The following SDCCAG8 variants were observed in gnomAD, a reference collection of about 807,000 sequenced individuals.
SDCCAG8 encodes the protein SHH signaling and ciliogenesis regulator SDCCAG8.
In SDCCAG8, 74 loss-of-function variants were observed where a neutral mutation model predicts 101.8. That is an observed-to-expected ratio of 0.73 (90% CI 0.60 to 0.88). The LOEUF is 0.88. Among genes scored for constraint, SDCCAG8 ranks in the 40% least tolerant of loss-of-function variants. The pLI is 0.00. For missense variants in SDCCAG8, 787 were observed against 822.6 expected, an observed-to-expected ratio of 0.96 and a Z score of 0.53; for synonymous variants, 281 against 292.9, an observed-to-expected ratio of 0.96 and a Z score of 0.41.
intron 15 of SDCCAG8, among the ~76,000 whole-genome samples, chr1:243,420,207 A>T (rs944346595): frequency 6.6e-6 from 1 of 152,212 alleles, no homozygotes; most frequent in African/African-American, 2.4e-5. Flanking sequence ...CCTTGGGTAC[A>T]TGGCCTCATT....
intron 10 of SDCCAG8, among the ~76,000 whole-genome samples, chr1:243,336,535 G>A (rs2075023370): frequency 6.6e-6 from 1 of 152,214 alleles, no homozygotes; most frequent in Non-Finnish European, 1.5e-5. Context: ...AAGCAGGCAT[G>A]TCTTCTGTGG....
chr1:243,332,392 TG>T (rs2074670458), intron 10 of SDCCAG8, among the ~76,000 whole-genome samples: 1 of 152,210 alleles, frequency 6.6e-6, no homozygotes, highest in South Asian at 2.1e-4. Context: ...GCAGAATAGA[TG>T]CCTGGAGATC....
intron 5 of SDCCAG8, among the ~76,000 whole-genome samples, chr1:243,286,742 A>G (rs969590651): frequency 6.6e-6 from 1 of 152,222 alleles, no homozygotes; most frequent in Non-Finnish European, 1.5e-5. Context: ...GGATTTCTCT[A>G]AATTTTCCTT....
At chr1:243,339,699 G>A (rs1013088418) in intron 10 of SDCCAG8, among the ~76,000 whole-genome samples, 1 of 152,048 alleles carries the variant, frequency 6.6e-6, no homozygotes, top group Non-Finnish European at 1.5e-5. Flanking sequence ...TAGTTCGAAG[G>A]CAGACACCTA....
At position 243,412,041 on chromosome 1, in the gene SDCCAG8, C is replaced by A. The variant is rs2148003761; in HGVS notation, c.1617-3661C>A. On this transcript the variant is annotated intron_variant, in intron 13 of 17. Transcript: ENST00000366541. ...TGCTTTGGTAAATTTTCCCCTTATA[C>A]CTTTCTTACGAAGTATTTTGCCATC... is the stretch of plus-strand genomic sequence containing the variant. Among the ~76,000 whole-genome samples, 4 of 152,248 alleles carry A rather than the reference C, an allele frequency of 2.6e-5. No homozygotes were observed. The South Asian group carries it at 8.3e-4, about 32-fold the overall frequency.
At position 243,270,164 on chromosome 1, in the gene SDCCAG8, A is replaced by G. The variant is rs554498906; in HGVS notation, c.127A>G (p.Ile43Val). The G allele has an allele frequency of 6.8e-6, 11 of 1,614,218 alleles. No individual in the cohort carries two copies. The highest frequency in any genetic ancestry group is 2.2e-5 in the South Asian group (2 of 91,088). Reference protein sequence around the residue: ...TCALKEGDVTIGEDAPNLSFS... With the variant: ...TCALKEGDVTVGEDAPNLSFS... ...TGCCCTGAAAGAAGGCGATGTCACT[A>G]TTGGAGAAGATGCACCAAATCTTTC... is the stretch of plus-strand genomic sequence containing the variant. Residue 43 changes from isoleucine (I) to valine (V), a missense_variant, in exon 2 of 18, where the codon ATT becomes GTT. Physicochemically the swap from Ile to Val is conservative, Grantham distance 29 (BLOSUM62 3). Transcript: ENST00000366541.
intron 12 of SDCCAG8, among the ~76,000 whole-genome samples, chr1:243,366,458 TTGAG>T (rs2076995529): frequency 6.6e-6 from 1 of 151,984 alleles, no homozygotes; most frequent in East Asian, 1.9e-4. Context: ...AATTACTCTA[TTGAG>T]TAATTAATAA....
At chr1:243,484,871 C>G (rs1034285487) in intron 16 of SDCCAG8, among the ~76,000 whole-genome samples, 20 of 152,074 alleles carry the variant, frequency 1.3e-4, no homozygotes, top group African/African-American at 4.8e-4. Context: ...TCGTGAAACC[C>G]CATCTCTACT....
At chr1:243,366,303 G>C (rs546256213) in intron 12 of SDCCAG8, among the ~76,000 whole-genome samples, 27 of 151,880 alleles carry the variant, frequency 1.8e-4, no homozygotes, top group Admixed American at 1.3e-4. Flanking sequence ...GCTTTAGTGT[G>C]GTTTTTATAT....
intron 16 of SDCCAG8, among the ~76,000 whole-genome samples, chr1:243,484,864 T>A (rs905197238): frequency 2.6e-5 from 4 of 152,080 alleles, no homozygotes; most frequent in African/African-American, 7.2e-5. Context: ...GCCAACATCG[T>A]GAAACCCCAT....
intron 10 of SDCCAG8, among the ~76,000 whole-genome samples, chr1:243,334,104 A>G (rs777713719): frequency 7.9e-5 from 12 of 152,116 alleles, no homozygotes; most frequent in South Asian, 2.1e-4. Flanking sequence ...CACCCCACAC[A>G]TCTCATCATC....
intron 16 of SDCCAG8, among the ~76,000 whole-genome samples, chr1:243,460,451 G>C (rs554867229): frequency 6.6e-6 from 1 of 152,288 alleles, no homozygotes; most frequent in Admixed American, 6.5e-5. Context: ...CCAACTCACA[G>C]TGTGACTGAT....
At chr1:243,381,422 C>T (rs1252005966) in intron 13 of SDCCAG8, among the ~76,000 whole-genome samples, 1 of 151,988 alleles carries the variant, frequency 6.6e-6, no homozygotes, top group South Asian at 2.1e-4. Context: ...GACCCCATCT[C>T]TACAAAAAAA....
At chr1:243,259,267 C>T (rs1446008736) in intron 1 of SDCCAG8, among the ~76,000 whole-genome samples, 3 of 151,706 alleles carry the variant, frequency 2.0e-5, no homozygotes, top group Non-Finnish European at 4.4e-5. Context: ...ACTAGCCGGG[C>T]GTGGTGGCGG....
At chr1:243,353,829 A>G (rs966264154) in intron 12 of SDCCAG8, among the ~76,000 whole-genome samples, 2 of 152,204 alleles carry the variant, frequency 1.3e-5, no homozygotes, top group African/African-American at 4.8e-5. Flanking sequence ...GAATGTATGC[A>G]TATGTATTTC....
At chr1:243,495,532 G>A (rs941215235) in intron 17 of SDCCAG8, among the ~76,000 whole-genome samples, 6 of 152,168 alleles carry the variant, frequency 3.9e-5, no homozygotes, top group Non-Finnish European at 4.4e-5. Flanking sequence ...GTGAGCCCCC[G>A]CCTGCTTTGC....
At chr1:243,349,373 T>G (rs2075954286) in intron 12 of SDCCAG8, among the ~76,000 whole-genome samples, 1 of 152,242 alleles carries the variant, frequency 6.6e-6, no homozygotes, top group Non-Finnish European at 1.5e-5. Flanking sequence ...ATGTATCACC[T>G]ATTGCTACTT....
At chr1:243,495,143 A>G (rs1022546967) in intron 17 of SDCCAG8, among the ~76,000 whole-genome samples, 1 of 152,218 alleles carries the variant, frequency 6.6e-6, no homozygotes, top group African/African-American at 2.4e-5. Context: ...GTTGGGAAGG[A>G]ACCCTTGGGC....
intron 17 of SDCCAG8, among the ~76,000 whole-genome samples, chr1:243,491,531 G>A (rs1244040563): frequency 1.3e-5 from 2 of 152,222 alleles, no homozygotes; most frequent in Admixed American, 1.3e-4. Context: ...AGGGATCCAG[G>A]TTTGCAAGCT....
Sources: gnomAD v4.1 joint callset for allele counts (sites outside exome capture counted in the v4.1 genomes callset) on GRCh38, gnomAD v4.1.1 for gene constraint, MANE v1.5 for transcripts, NCBI Gene and HGNC (gene_info 2026-07-23, HGNC 2026-07-21) for gene names.